LRMDA: variants seen among roughly 807,000 people sequenced by gnomAD.
LRMDA encodes the protein leucine rich melanocyte differentiation associated, also known as leucine-rich melanocyte differentiation-associated protein.
In LRMDA, 18 loss-of-function variants were observed where a neutral mutation model predicts 29.8. That is an observed-to-expected ratio of 0.60 (90% confidence interval 0.42 to 0.90). LRMDA has a LOEUF of 0.90. LRMDA is among the 40% of genes least tolerant of loss of function. The pLI, the probability that LRMDA is intolerant of heterozygous loss-of-function variation, is 0.00. For synonymous variants in LRMDA, 125 were observed against 109.4 expected, an observed-to-expected ratio of 1.14 and a Z score of -0.89; for missense variants, 273 against 273.9, an observed-to-expected ratio of 1.00 and a Z score of 0.02.
intron 2 of LRMDA, among the ~76,000 whole-genome samples, chr10:76,011,591 G>A (rs1259544040): frequency 6.6e-6 from 1 of 152,188 alleles, no homozygotes; most frequent in Non-Finnish European, 1.5e-5. Flanking sequence ...TGCATGTGAG[G>A]ATCGTGTGCA....
intron 6 of LRMDA, among the ~76,000 whole-genome samples, chr10:76,543,405 A>G (rs4115408): frequency 0.4 from 60,190 of 151,038 alleles, 12,788 homozygotes; most frequent in African/African-American, 0.49. Flanking sequence ...AGTTTCTTAT[A>G]TTGTCAATTA....
intron 5 of LRMDA, among the ~76,000 whole-genome samples, chr10:76,323,101 A>G (rs116147505): frequency 6.6e-6 from 1 of 152,196 alleles, no homozygotes; most frequent in African/African-American, 2.4e-5. Context: ...CTTGGATCCA[A>G]ATTTAAACAC....
intron 6 of LRMDA, among the ~76,000 whole-genome samples, chr10:76,398,289 C>T (rs2132492912): frequency 1.3e-5 from 2 of 152,320 alleles, no homozygotes; most frequent in African/African-American, 4.8e-5. Flanking sequence ...AGCTCCCTCC[C>T]TCTGTTCTTC....
At chr10:75,782,927 C>T in intron 2 of LRMDA, 1 of 1,612,310 alleles carries the variant, frequency 6.2e-7, no homozygotes, top group South Asian at 1.1e-5. Context: ...GGCATCTGCT[C>T]AGTGTAGCCA....
At chr10:75,598,655 C>T (rs12249499) in intron 2 of LRMDA, among the ~76,000 whole-genome samples, 20,973 of 152,074 alleles carry the variant, frequency 0.14, 4,591 homozygotes, top group African/African-American at 0.46. Context: ...TGGTTCAGAT[C>T]GTCTTTGCTT....
At chr10:76,249,969 A>AT (rs1419334920) in intron 5 of LRMDA, among the ~76,000 whole-genome samples, 2 of 151,910 alleles carry the variant, frequency 1.3e-5, no homozygotes, top group African/African-American at 2.4e-5. Flanking sequence ...CGCCTGGCTA[A>AT]TTTTGTTTGT....
chr10:76,310,059 T>A (rs1380567118), intron 5 of LRMDA, among the ~76,000 whole-genome samples: 2 of 152,186 alleles, frequency 1.3e-5, no homozygotes, highest in Admixed American at 6.5e-5. Context: ...AGACTGTAAT[T>A]TTTTTCCTCA....
At chr10:76,039,408 T>C (rs1160511910) in intron 3 of LRMDA, among the ~76,000 whole-genome samples, 2 of 152,252 alleles carry the variant, frequency 1.3e-5, no homozygotes, top group Non-Finnish European at 2.9e-5. Context: ...GGTTTTATCT[T>C]GAATCCTTTT....
chr10:75,981,442 C>T (rs1847168674), intron 2 of LRMDA, among the ~76,000 whole-genome samples: 2 of 152,200 alleles, frequency 1.3e-5, no homozygotes, highest in African/African-American at 2.4e-5. Flanking sequence ...CCCTTTTCAT[C>T]TTCATCTATT....
chr10:76,261,704 A>G (rs1177861325), intron 5 of LRMDA, among the ~76,000 whole-genome samples: 2 of 152,206 alleles, frequency 1.3e-5, no homozygotes, highest in Non-Finnish European at 2.9e-5. Context: ...TGCAAGTTGA[A>G]CTTTAAATAT....
rs1842172729 is a variant in LRMDA, at chr10:75,692,235, T to A, written c.131+253741T>A. On this transcript the variant is annotated intron_variant, in intron 2 of 6. Coordinates refer to ENST00000611255, the MANE Select transcript of LRMDA (RefSeq NM_001305581.2). ...AAAAAAAAAAATATATATATATATA[T>A]ATATATATATATACATATATATATT... 5.0e-5 allele frequency among the ~76,000 whole-genome samples: 7 copies of A among 139,988 alleles called. No homozygotes were observed. The South Asian group carries it at 1.1e-3, about 23-fold the overall frequency. 91.8% of individuals were successfully genotyped at this position (139,988 alleles called of 152,430 possible).
chr10:75,465,604 C>T lies in LRMDA; in HGVS notation c.131+27110C>T, dbSNP rs539673838. ...CTGCAGCTCTGATTTCAATTAACAC[C>T]CACTAAATTTAGGCGAATGCAGCGC... On this transcript the variant is annotated intron_variant, in intron 2 of 6. Transcript: ENST00000611255. Among the ~76,000 whole-genome samples, 20 of 152,216 alleles carry T rather than the reference C, an allele frequency of 1.3e-4. 1 individual carries two copies. The highest frequency in any genetic ancestry group is 4.3e-4 in the African/African-American group (18 of 41,514).
At chr10:76,145,671 T>C (rs1284110476) in intron 5 of LRMDA, among the ~76,000 whole-genome samples, 3 of 150,676 alleles carry the variant, frequency 2.0e-5, no homozygotes, top group Non-Finnish European at 4.4e-5. Context: ...TTTGAAGGTA[T>C]TTTTGTGTCT....
At chr10:75,919,221 T>C (rs972207114) in intron 2 of LRMDA, among the ~76,000 whole-genome samples, 1 of 152,164 alleles carries the variant, frequency 6.6e-6, no homozygotes, top group African/African-American at 2.4e-5. Flanking sequence ...GAAATTTCTC[T>C]CTATGGCCTG....
Position 76,399,334 on chromosome 10 carries a change from G to A in LRMDA, c.601+74849G>A, listed in dbSNP as rs78043101. 3.4e-3 allele frequency among the ~76,000 whole-genome samples: 521 copies of A among 152,256 alleles called. 1 individual carries two copies. Among genetic ancestry groups the A allele is most frequent in the African/African-American group, 0.012 (496 of 41,570 alleles). On this transcript the variant is annotated intron_variant, in intron 6 of 6. Transcript: ENST00000611255. ...GAAGTAGTTGGCTCTTGGCAGACTC[G>A]CAGACATACTAAAGTTTTTGTTTTG...
intron 2 of LRMDA, among the ~76,000 whole-genome samples, chr10:75,516,316 C>T (rs1845288376): frequency 1.3e-5 from 2 of 152,208 alleles, no homozygotes; most frequent in South Asian, 4.1e-4. Context: ...TTTACACTCC[C>T]ACCAACAGTG....
intron 2 of LRMDA, among the ~76,000 whole-genome samples, chr10:75,806,667 G>A (rs1459878608): frequency 1.3e-5 from 2 of 149,094 alleles, no homozygotes; most frequent in Admixed American, 6.6e-5. Context: ...CTTGACAAGT[G>A]GTTCAACTTA....
chr10:76,210,713 C>T (rs1345976264), intron 5 of LRMDA, among the ~76,000 whole-genome samples: 9 of 152,130 alleles, frequency 5.9e-5, no homozygotes, highest in Admixed American at 3.9e-4. Context: ...AGATTCATCA[C>T]CCTTCTATGA....
chr10:75,575,935 C>T (rs915164694), intron 2 of LRMDA, among the ~76,000 whole-genome samples: 14 of 151,966 alleles, frequency 9.2e-5, no homozygotes, highest in African/African-American at 3.1e-4. Flanking sequence ...ACTGGGCGGC[C>T]GTTTGGGCAG....
Sources: allele counts gnomAD v4.1 joint callset (sites outside exome capture counted in the v4.1 genomes callset), GRCh38; gene constraint gnomAD v4.1.1; transcripts MANE v1.5; gene names NCBI Gene and HGNC (gene_info 2026-07-23, HGNC 2026-07-21).